Variants in MICU1 observed in about 807,000 individuals in gnomAD.
The protein encoded by MICU1 is calcium uptake protein 1, mitochondrial.
MICU1 carries 45 observed loss-of-function variants against 56.8 expected under a neutral mutation model. The observed-to-expected ratio is 0.79, with a 90% CI of 0.62 to 1.02. MICU1 has a LOEUF of 1.02. Among genes scored for constraint, MICU1 ranks in the 50% least tolerant of loss-of-function variants. MICU1 has a pLI of 0.00. For synonymous variants in MICU1, 186 were observed against 195.1 expected (o/e 0.95, Z 0.39); for missense variants, 504 against 587.1 (o/e 0.86, Z 1.46).
rs181170150 is a variant in MICU1, at chr10:72,523,951, T to G, written c.537+9795A>C. 14 of 1,402,280 alleles carry G rather than the reference T, an allele frequency of 1.0e-5. No homozygotes were observed. In the Admixed American group the frequency reaches 3.6e-4, roughly 36 times the overall value. 86.9% of individuals were successfully genotyped at this position (1,402,280 alleles called of 1,614,324 possible). A position where few individuals can be genotyped will look rare whatever the true frequency, so the allele number is the denominator to read the frequency against. The stretch of plus-strand genomic sequence containing the variant: ...AATAAAGTCTTTCTAGGTGTCCCAT[T>G]TGTTTCCCCTTAAGCCATTTTACTG... On this transcript the variant is annotated intron_variant, in intron 5 of 11. Coordinates refer to ENST00000361114, the MANE Select transcript of MICU1 (RefSeq NM_001195518.2).
chr10:72,621,253 T>TGAGGTCAGGAG (rs1842097225), intron 1 of MICU1, among the ~76,000 whole-genome samples: 1 of 152,158 alleles, frequency 6.6e-6, no homozygotes, highest in Non-Finnish European at 1.5e-5. Flanking sequence ...ATCCCAGCAC[T>TGAGGTCAGGAG]TTGGCTAGCA....
intron 1 of MICU1, among the ~76,000 whole-genome samples, chr10:72,623,300 C>CAAAAAAAAAAAAA (rs1164753291): frequency 5.7e-4 from 32 of 55,790 alleles, no homozygotes; most frequent in Middle Eastern, 0.021. Context: ...GACTCCGTCT[C>CAAAAAAAAAAAAA]AAAAAAAAAA....
At chr10:72,615,273 A>G (rs147466223) in intron 1 of MICU1, among the ~76,000 whole-genome samples, 3,284 of 152,246 alleles carry the variant, frequency 0.022, 121 homozygotes, top group African/African-American at 0.076. Flanking sequence ...ATGTGCCACC[A>G]TGCCCAGCTA....
At position 72,451,058 on chromosome 10, in the gene MICU1, C is replaced by T. The variant is rs1281428890; in HGVS notation, c.933+24042G>A. On this transcript the variant is annotated intron_variant, in intron 8 of 11. Transcript: ENST00000361114. Reference sequence around the variant, plus strand: ...TTTTTTTTTTTGAGACAGAGTCTTGCTCTGTTGCCAGACTGGAATACAGTG... The same window carrying T: ...TTTTTTTTTTTGAGACAGAGTCTTGTTCTGTTGCCAGACTGGAATACAGTG... 2.4e-5 allele frequency among the ~76,000 whole-genome samples: 3 copies of T among 126,836 alleles called. No homozygotes were observed. The Admixed American group carries it at 2.8e-4, about 12-fold the overall frequency. 83.2% of individuals were successfully genotyped at this position (126,836 alleles called of 152,430 possible).
At chr10:72,512,366 C>A (rs1007206800) in intron 5 of MICU1, among the ~76,000 whole-genome samples, 3 of 152,126 alleles carry the variant, frequency 2.0e-5, no homozygotes, top group African/African-American at 7.2e-5. Flanking sequence ...CTTGGCCTCT[C>A]AAAGTGCTGG....
chr10:72,430,839 C>T (rs562616676), intron 8 of MICU1, among the ~76,000 whole-genome samples: 3 of 152,224 alleles, frequency 2.0e-5, no homozygotes, highest in Admixed American at 6.5e-5. Context: ...GGATTACAGG[C>T]GTGAGCCACT....
intron 8 of MICU1, among the ~76,000 whole-genome samples, chr10:72,440,855 A>C (rs1864898127): frequency 6.6e-6 from 1 of 151,928 alleles, no homozygotes; most frequent in Admixed American, 6.6e-5. Flanking sequence ...ATGAGATACC[A>C]TCTCATGCCA....
intron 8 of MICU1, among the ~76,000 whole-genome samples, chr10:72,451,619 T>C (rs1311089921): frequency 6.6e-6 from 1 of 151,518 alleles, no homozygotes; most frequent in African/African-American, 2.4e-5. Context: ...CATAGCTCAC[T>C]GCAGCCTTGA....
intron 8 of MICU1, among the ~76,000 whole-genome samples, chr10:72,471,821 C>G (rs774047316): frequency 1.3e-5 from 2 of 152,122 alleles, no homozygotes; most frequent in Non-Finnish European, 1.5e-5. Flanking sequence ...CATACTAACT[C>G]TCACACAAAC....
At chr10:72,562,073 G>C (rs1317467613) in intron 3 of MICU1, among the ~76,000 whole-genome samples, 2 of 151,222 alleles carry the variant, frequency 1.3e-5, no homozygotes, top group African/African-American at 2.4e-5. Context: ...GATATCATAG[G>C]AACTGCTGTA....
chr10:72,545,924 A>G (rs151104105), intron 4 of MICU1, among the ~76,000 whole-genome samples: 172 of 152,336 alleles, frequency 1.1e-3, no homozygotes, highest in African/African-American at 3.9e-3. Flanking sequence ...TTCTTGCTAC[A>G]AACAGTCTGT....
At chr10:72,545,112 T>C (rs1245960862) in intron 4 of MICU1, among the ~76,000 whole-genome samples, 4 of 152,206 alleles carry the variant, frequency 2.6e-5, no homozygotes, top group African/African-American at 9.7e-5. Flanking sequence ...GCCTCATTTT[T>C]TTCCTTATCT....
intron 9 of MICU1, among the ~76,000 whole-genome samples, chr10:72,409,690 C>G (rs533203555): frequency 1.3e-5 from 2 of 152,082 alleles, no homozygotes; most frequent in East Asian, 1.9e-4. Flanking sequence ...GACGCTGTCT[C>G]AAAAACAAAA....
intron 6 of MICU1, 62 bp from the exon 7 acceptor site, chr10:72,477,318 G>T (rs1866155535): frequency 2.2e-6 from 3 of 1,357,516 alleles, no homozygotes; most frequent in Non-Finnish European, 3.0e-6. Context: ...CCTTTTTAAA[G>T]AAAAACAAAA....
chr10:72,542,123 A>G (rs2132426334), intron 4 of MICU1, among the ~76,000 whole-genome samples: 1 of 152,336 alleles, frequency 6.6e-6, no homozygotes, highest in African/African-American at 2.4e-5. Flanking sequence ...AAAATGATAA[A>G]CACCAAATTA....
intron 6 of MICU1, among the ~76,000 whole-genome samples, chr10:72,487,524 C>T (rs1392822553): frequency 2.6e-5 from 4 of 151,972 alleles, no homozygotes; most frequent in Admixed American, 6.6e-5. Flanking sequence ...GTGGTCAAGC[C>T]GAAGACCAGT....
rs1200640905 is a variant in MICU1 at position 72,477,148 on chromosome 10, T to C, written c.735+26A>G. ...AATGTATTTTAAATATTAATGTATT[T>C]AGAGGAACTCTCCAGGACAACTTGC... On this transcript the variant is annotated intron_variant, in intron 7 of 11. Transcript: ENST00000361114. 9.4e-6 allele frequency: 14 copies of C among 1,486,796 alleles called. No individual in the cohort carries two copies. In the East Asian group the frequency reaches 9.9e-5, roughly 10 times the overall value. The allele number at this position is 1,486,796 out of a possible 1,614,324, so 92.1% of individuals were successfully genotyped here.
chr10:72,423,432 C>T lies in MICU1; in HGVS notation c.934-61G>A, dbSNP rs754203008. Reference sequence around the variant, plus strand: ...ATGGAAAGTATTTTGACGTGGAACACGGAATGATCAGCTGTGTTTGATGGC... The same window carrying T: ...ATGGAAAGTATTTTGACGTGGAACATGGAATGATCAGCTGTGTTTGATGGC... On this transcript the variant is annotated intron_variant, in intron 8 of 11. Coordinates refer to ENST00000361114, the MANE Select transcript of MICU1 (RefSeq NM_001195518.2). 17 of 1,564,540 alleles carry T rather than the reference C, an allele frequency of 1.1e-5. No homozygotes were observed. In the East Asian group the frequency reaches 1.6e-4, roughly 15 times the overall value.
chr10:72,538,876 C>CA lies in MICU1; in HGVS notation c.494-5088dup, dbSNP rs374778793. Among the ~76,000 whole-genome samples, 183 of 151,362 alleles carry CA rather than the reference C, an allele frequency of 1.2e-3. 1 individual carries two copies. The highest frequency in any genetic ancestry group is 4.2e-3 in the African/African-American group (173 of 41,280). Reference sequence around the variant, plus strand: ...GAGACTCATTTCACCAGTAAGGACACAAACAGACTGAAAGTAAGTAAAGGG... The same window carrying CA: ...GAGACTCATTTCACCAGTAAGGACACAAAACAGACTGAAAGTAAGTAAAGGG... On this transcript the variant is annotated intron_variant, in intron 4 of 11. Coordinates refer to ENST00000361114, the MANE Select transcript of MICU1 (RefSeq NM_001195518.2).
Sources: allele counts gnomAD v4.1 joint callset (sites outside exome capture counted in the v4.1 genomes callset), GRCh38; gene constraint gnomAD v4.1.1; transcripts MANE v1.5; gene names NCBI Gene and HGNC (gene_info 2026-07-23, HGNC 2026-07-21).